The following ANKRD16 variants were observed in gnomAD, a reference collection of about 807,000 sequenced individuals.
The protein encoded by ANKRD16 is ankyrin repeat domain-containing protein 16.
ANKRD16 carries 35 observed loss-of-function variants against 37.9 expected under a neutral mutation model. The observed-to-expected ratio is 0.92, with a 90% confidence interval of 0.71 to 1.23. The LOEUF (loss-of-function observed/expected upper bound fraction) is 1.23. Among genes scored for constraint, ANKRD16 ranks in the 50% most tolerant of loss-of-function variants. The probability of loss-of-function intolerance (pLI) is 0.00; values close to 1 mark genes in which losing one functional copy is unlikely to be tolerated. For synonymous variants in ANKRD16, 206 were observed against 197.2 expected (o/e 1.04, Z -0.37); for missense variants, 480 against 469.9 (o/e 1.02, Z -0.20).
intron 7 of ANKRD16, among the ~76,000 whole-genome samples, chr10:5,867,395 T>C (rs1006074485): frequency 6.6e-6 from 1 of 152,142 alleles, no homozygotes; most frequent in Non-Finnish European, 1.5e-5. Context: ...GTTAGGAAAA[T>C]TGCCTAATAA....
At position 5,862,278 on chromosome 10, in the gene ANKRD16, A is replaced by C; in HGVS notation, c.*447T>G. 2.7e-6 allele frequency: 1 copy of C among 372,256 alleles called. No individual in the cohort carries two copies. Among genetic ancestry groups the C allele is most frequent in the East Asian group, 7.1e-5 (1 of 14,022 alleles). The allele number at this position is 372,256 out of a possible 1,614,324, so 23.1% of individuals were successfully genotyped here. A position where few individuals can be genotyped will look rare whatever the true frequency, so the allele number is the denominator to read the frequency against. ...CTGCATCTGTTAGGCAATGTTGACA[A>C]TCTCATCAGAAGTGGTGCTACCACT... On this transcript the variant is annotated 3_prime_UTR_variant, in exon 8 of 8. Coordinates refer to ENST00000380094, the MANE Select transcript of ANKRD16 (RefSeq NM_019046.3). This position sits in a 1 kb window ranked among gnomAD's most constrained non-coding sequence, Gnocchi z 6.5.
chr10:5,868,440 A>G lies in ANKRD16; in HGVS notation c.*34-5749T>C, dbSNP rs1275721219. ...TGAAGCCAGCTGGATTTCCTGGATC[A>G]AGTGGGGACTTGGAGAACTTTTCTG... On this transcript the variant is annotated intron_variant, in intron 7 of 7. Coordinates refer to ENST00000380094, the MANE Select transcript of ANKRD16 (RefSeq NM_019046.3). This position sits in a 1 kb window ranked among gnomAD's most constrained non-coding sequence, Gnocchi z 4.9. 6.6e-6 allele frequency among the ~76,000 whole-genome samples: 1 copy of G among 152,252 alleles called. No homozygotes were observed. The highest frequency in any genetic ancestry group is 2.4e-5 in the African/African-American group (1 of 41,460).
rs745465451 is a variant in ANKRD16 at position 5,864,171 on chromosome 10, G to A, written c.*34-1480C>T. Among the ~76,000 whole-genome samples, 2 of 152,132 alleles carry A rather than the reference G, an allele frequency of 1.3e-5. No individual in the cohort carries two copies. Among genetic ancestry groups the A allele is most frequent in the East Asian group, 3.9e-4 (2 of 5,194 alleles). On this transcript the variant is annotated intron_variant, in intron 7 of 7. Coordinates refer to ENST00000380094, the MANE Select transcript of ANKRD16 (RefSeq NM_019046.3). The surrounding 1 kb of genome is among the most constrained non-coding windows in gnomAD (Gnocchi z 4.4). The stretch of plus-strand genomic sequence containing the variant: ...TTATGTCCAAGCTTTCTTTTAAGGA[G>A]AATCCACAACTATGCAAAGCTTACA...
Position 5,889,244 on chromosome 10 carries a change from C to T in ANKRD16, c.111G>A (p.Gly37=), listed in dbSNP as rs759147763. The part of the protein sequence containing the change: ...QAAGGCPGPA[G]DTLLHCAARH... ...GCGCGGCGCAGTGCAGGAGGGTATC[C>T]CCGGCCGGCCCCGGGCAGCCCCCGG... Residue 37 remains glycine (G), a synonymous_variant, in exon 1 of 8, where the codon GGG becomes GGA. Coordinates refer to ENST00000380094, the MANE Select transcript of ANKRD16 (RefSeq NM_019046.3). 3.3e-6 allele frequency: 5 copies of T among 1,529,652 alleles called. No individual in the cohort carries two copies. The East Asian group carries it at 1.0e-4, about 31-fold the overall frequency. 94.8% of individuals were successfully genotyped at this position (1,529,652 alleles called of 1,614,324 possible).
At chr10:5,872,075 A>G (rs1564414607) in intron 7 of ANKRD16, among the ~76,000 whole-genome samples, 1 of 152,166 alleles carries the variant, frequency 6.6e-6, no homozygotes, top group Non-Finnish European at 1.5e-5. Flanking sequence ...GAAACCAATG[A>G]AAGAGGCAAC....
Position 5,889,391 on chromosome 10 carries a change from G to A in ANKRD16, c.-37C>T. 1.7e-6 allele frequency: 2 copies of A among 1,179,490 alleles called. No homozygotes were observed. Among genetic ancestry groups the A allele is most frequent in the Non-Finnish European group, 1.0e-6 (1 of 955,214 alleles). The allele number at this position is 1,179,490 out of a possible 1,614,324, so 73.1% of individuals were successfully genotyped here. A position where few individuals can be genotyped will look rare whatever the true frequency, so the allele number is the denominator to read the frequency against. Reference sequence around the variant, plus strand: ...GGGCCGGGCTGCGCGGGGAGGCGGCGGGCGGGACACCGGCGGCCGGGCAGG... The same window carrying A: ...GGGCCGGGCTGCGCGGGGAGGCGGCAGGCGGGACACCGGCGGCCGGGCAGG... On this transcript the variant is annotated 5_prime_UTR_variant, in exon 1 of 8. Transcript: ENST00000380094.
chr10:5,879,411 T>C (rs1195386991), intron 6 of ANKRD16, among the ~76,000 whole-genome samples: 1 of 151,188 alleles, frequency 6.6e-6, no homozygotes, highest in Non-Finnish European at 1.5e-5. Flanking sequence ...GAGGTTGCAG[T>C]GAGCCAAGAT....
chr10:5,887,636 C>T (rs935718502), intron 2 of ANKRD16, among the ~76,000 whole-genome samples: 9 of 151,970 alleles, frequency 5.9e-5, no homozygotes, highest in Admixed American at 6.6e-5. Flanking sequence ...CACCCGCCTC[C>T]GGCCTCCCAA....
chr10:5,867,318 C>T (rs112452698), intron 7 of ANKRD16, among the ~76,000 whole-genome samples: 5 of 152,244 alleles, frequency 3.3e-5, no homozygotes, highest in East Asian at 3.9e-4. Flanking sequence ...GGTTCCTCCC[C>T]GGAGATTAAG....
At chr10:5,867,694 A>AC (rs1038869819) in intron 7 of ANKRD16, among the ~76,000 whole-genome samples, 4 of 152,096 alleles carry the variant, frequency 2.6e-5, no homozygotes, top group Non-Finnish European at 5.9e-5. Context: ...ATCCACTAAT[A>AC]CCCCTACTTA....
At chr10:5,885,846 G>A in intron 2 of ANKRD16, 81 bp from the exon 3 acceptor site, 1 of 1,413,892 alleles carries the variant, frequency 7.1e-7, no homozygotes, top group Non-Finnish European at 9.7e-7. Flanking sequence ...TTTGCTCTCT[G>A]CCCCGTTCTA....
intron 7 of ANKRD16, among the ~76,000 whole-genome samples, chr10:5,876,697 C>T (rs949276692): frequency 2.0e-5 from 3 of 152,182 alleles, no homozygotes; most frequent in African/African-American, 7.2e-5. Context: ...GAAATTCTTG[C>T]TCTGTGCCAA....
chr10:5,885,066 G>C (rs981168110), intron 3 of ANKRD16, among the ~76,000 whole-genome samples: 2 of 152,166 alleles, frequency 1.3e-5, no homozygotes, highest in African/African-American at 4.8e-5. Flanking sequence ...ACAGACTTTC[G>C]GGACTCCTTC....
In ANKRD16 at chr10:5,868,486, TGCACCAATCA is replaced by T. The variant is rs1842045724; in HGVS notation, c.*34-5805_*34-5796del. The stretch of plus-strand genomic sequence containing the variant: ...TTCTGTCTAGCTAAAGGACTGTAAA[TGCACCAATCA>T]GCACTCTATAAAAATGCACCAATCA... On this transcript the variant is annotated intron_variant, in intron 7 of 7. Transcript: ENST00000380094. The surrounding 1 kb of genome is among the most constrained non-coding windows in gnomAD (Gnocchi z 4.9). Among the ~76,000 whole-genome samples the T allele has an allele frequency of 6.6e-6, 1 of 152,170 alleles. No individual in the cohort carries two copies. Among genetic ancestry groups the T allele is most frequent in the Non-Finnish European group, 1.5e-5 (1 of 68,034 alleles).
rs139786252 is a variant in ANKRD16, at chr10:5,880,343, A to G, written c.883T>C (p.Ser295Pro). ...TTAGAATTGATGTCAGCTCCCAAGG[A>G]TAAGAGAGTCTGAATTGTACTTGTA... is the stretch of plus-strand genomic sequence containing the variant. ...GHTSTIQTLL[S>P]LGADINSKDE... The change falls in exon 6 of 8, where the codon TCC becomes CCC. Residue 295 changes from serine (S) to proline (P), a missense_variant. Transcript: ENST00000380094. The G allele has an allele frequency of 6.2e-7, 1 of 1,605,758 alleles. No individual in the cohort carries two copies. Among genetic ancestry groups the G allele is most frequent in the Middle Eastern group, 1.7e-4 (1 of 6,028 alleles).
chr10:5,882,770 G>A (rs1842337971), intron 5 of ANKRD16: 2 of 358,980 alleles, frequency 5.6e-6, no homozygotes, highest in East Asian at 1.0e-4. Context: ...GTGTGTGAGG[G>A]GGAGGCACTT....
rs628175 is a variant in ANKRD16, at chr10:5,874,141, A to G, written c.*33+3956T>C. 0.83 allele frequency among the ~76,000 whole-genome samples: 125,692 copies of G among 152,186 alleles called. 52,312 individuals carry two copies. Among genetic ancestry groups the G allele is most frequent in the Admixed American group, 0.87 (13,373 of 15,294 alleles). On this transcript the variant is annotated intron_variant, in intron 7 of 7. Coordinates refer to ENST00000380094, the MANE Select transcript of ANKRD16 (RefSeq NM_019046.3). This position sits in a 1 kb window ranked among gnomAD's most constrained non-coding sequence, Gnocchi z 4.7. ...CCTGACCTTGTGATCTGCCTGCCTCAGCCTCCCATAATACTGGGACTACAG... is the reference window on the plus strand; with the variant it reads ...CCTGACCTTGTGATCTGCCTGCCTCGGCCTCCCATAATACTGGGACTACAG...
At chr10:5,884,155 G>T in intron 3 of ANKRD16, 78 bp from the exon 4 acceptor site, 1 of 1,068,018 alleles carries the variant, frequency 9.4e-7, no homozygotes, top group Non-Finnish European at 1.4e-6. Flanking sequence ...CTGATCACCT[G>T]CAGGTGAACT....
Position 5,880,751 on chromosome 10 carries a change from C to T in ANKRD16, c.850-375G>A, listed in dbSNP as rs116281577. On this transcript the variant is annotated intron_variant, in intron 5 of 7. Transcript: ENST00000380094. The stretch of plus-strand genomic sequence containing the variant: ...CCTGTGGAAATATTTAACCCTTTAT[C>T]TGTAGCTATCTGCTTAGGAACAAAA... Among the ~76,000 whole-genome samples the T allele has an allele frequency of 4.0e-3, 612 of 152,306 alleles. 6 individuals carry two copies. The highest frequency in any genetic ancestry group is 0.014 in the African/African-American group (583 of 41,560).
Sources: allele counts gnomAD v4.1 joint callset (sites outside exome capture counted in the v4.1 genomes callset), GRCh38; gene constraint gnomAD v4.1.1; non-coding constraint Gnocchi (gnomAD v3.1); transcripts MANE v1.5; gene names NCBI Gene and HGNC (gene_info 2026-07-23, HGNC 2026-07-21).